Variants in PTPRN2 observed in about 807,000 individuals in gnomAD.
The protein encoded by PTPRN2 is receptor-type tyrosine-protein phosphatase N2.
In PTPRN2, 74 loss-of-function variants were observed where a neutral mutation model predicts 118.8. The ratio of observed to expected loss-of-function variants is 0.62; its 90% CI spans 0.52 to 0.76. The LOEUF (loss-of-function observed/expected upper bound fraction) is 0.76. PTPRN2 is among the 30% of genes least tolerant of loss of function. The pLI is 0.00. For synonymous variants in PTPRN2, 641 were observed against 608.0 expected (o/e 1.05, Z -0.80); for missense variants, 1,481 against 1,394.4 (o/e 1.06, Z -0.99).
intron 2 of PTPRN2, among the ~76,000 whole-genome samples, chr7:158,430,326 A>C (rs1188168147): frequency 1.3e-5 from 2 of 152,200 alleles, no homozygotes; most frequent in Non-Finnish European, 2.9e-5. Flanking sequence ...GGTGAGGGAG[A>C]GCAGCCTGCT....
chr7:158,110,957 C>T, intron 9 of PTPRN2, 42 bp from the exon 10 acceptor site: 1 of 1,504,156 alleles, frequency 6.6e-7, no homozygotes, highest in Non-Finnish European at 9.0e-7. Context: ...ACCACAGAGC[C>T]AGCAGTCCTG....
Position 157,845,477 on chromosome 7 carries a change from C to A in PTPRN2, c.1788+53196G>T, listed in dbSNP as rs1808735377. Reference sequence around the variant, plus strand: ...ACCACACAGCCTAACTCACCATGTTCCCGACCACACCCTGGTGAACCACGC... The same window carrying A: ...ACCACACAGCCTAACTCACCATGTTACCGACCACACCCTGGTGAACCACGC... On this transcript the variant is annotated intron_variant, in intron 12 of 22. Transcript: ENST00000389418. This position sits in a 1 kb window ranked among gnomAD's most constrained non-coding sequence, Gnocchi z 4.5. Among the ~76,000 whole-genome samples the A allele has an allele frequency of 6.6e-6, 1 of 151,914 alleles. No homozygotes were observed. Among genetic ancestry groups the A allele is most frequent in the Admixed American group, 6.6e-5 (1 of 15,260 alleles).
intron 12 of PTPRN2, among the ~76,000 whole-genome samples, chr7:157,810,648 G>T (rs1001017797): frequency 7.2e-6 from 1 of 138,826 alleles, no homozygotes. Flanking sequence ...GGACGGGAAC[G>T]GCGGGACTGC....
intron 2 of PTPRN2, among the ~76,000 whole-genome samples, chr7:158,354,117 A>C (rs1808211418): frequency 6.6e-6 from 1 of 152,214 alleles, no homozygotes. Context: ...CACTTTCATC[A>C]GTGACCAGAG....
chr7:158,200,357 T>C (rs111713670), intron 4 of PTPRN2, among the ~76,000 whole-genome samples: 16,940 of 152,226 alleles, frequency 0.11, 1,224 homozygotes, highest in Non-Finnish European at 0.16. Flanking sequence ...CCACTAATGA[T>C]GGACGCCGAG....
Position 157,987,887 on chromosome 7 carries a change from C to G in PTPRN2, c.1724-89150G>C, listed in dbSNP as rs1333007183. On this transcript the variant is annotated intron_variant, in intron 11 of 22. Coordinates refer to ENST00000389418, the MANE Select transcript of PTPRN2 (RefSeq NM_002847.5). This position sits in a 1 kb window ranked among gnomAD's most constrained non-coding sequence, Gnocchi z 4.3. ...ACTGATGCCCCCAGCTCTCCCCACA[C>G]CTGCCATTCCCCACGTTAATGCAGC... is the stretch of plus-strand genomic sequence containing the variant. 6.6e-6 allele frequency among the ~76,000 whole-genome samples: 1 copy of G among 152,038 alleles called. No individual in the cohort carries two copies. Among genetic ancestry groups the G allele is most frequent in the Non-Finnish European group, 1.5e-5 (1 of 68,026 alleles).
Position 157,947,724 on chromosome 7 carries a change from A to G in PTPRN2, c.1724-48987T>C, listed in dbSNP as rs908308022. 4.6e-5 allele frequency among the ~76,000 whole-genome samples: 7 copies of G among 152,232 alleles called. No homozygotes were observed. In the East Asian group the frequency reaches 1.2e-3, roughly 25 times the overall value. The stretch of plus-strand genomic sequence containing the variant: ...TATCCAAGAAGCTCAACTAACTCCA[A>G]GTAGAATTGATTCAAAGAGATCCAT... On this transcript the variant is annotated intron_variant, in intron 11 of 22. Coordinates refer to ENST00000389418, the MANE Select transcript of PTPRN2 (RefSeq NM_002847.5).
intron 2 of PTPRN2, among the ~76,000 whole-genome samples, chr7:158,480,314 T>A (rs1294453205): frequency 1.3e-5 from 2 of 152,180 alleles, no homozygotes; most frequent in Admixed American, 6.5e-5. Context: ...TGGGGCACCA[T>A]GAACCGTGCC....
At chr7:158,298,806 G>A (rs903493791) in intron 3 of PTPRN2, among the ~76,000 whole-genome samples, 8 of 152,166 alleles carry the variant, frequency 5.3e-5, no homozygotes, top group African/African-American at 1.9e-4. Context: ...CTGAGCCCCT[G>A]GGTCCAAGGA....
At chr7:158,543,349 G>A (rs745810536) in intron 1 of PTPRN2, among the ~76,000 whole-genome samples, 2 of 152,212 alleles carry the variant, frequency 1.3e-5, no homozygotes, top group African/African-American at 4.8e-5. Context: ...CACCCACAAC[G>A]GCCGCCCCGC....
intron 1 of PTPRN2, among the ~76,000 whole-genome samples, chr7:158,568,096 T>G (rs1827768099): frequency 6.6e-6 from 1 of 152,012 alleles, no homozygotes; most frequent in Non-Finnish European, 1.5e-5. Context: ...CTACTAAAAA[T>G]ATAAAAATTA....
chr7:158,335,322 C>G (rs1196984574), intron 2 of PTPRN2, among the ~76,000 whole-genome samples: 1 of 16,984 alleles, frequency 5.9e-5, no homozygotes, highest in Non-Finnish European at 1.8e-4. Context: ...ACACTCACAC[C>G]CATACTCTCA....
chr7:157,982,003 G>A (rs1003982780), intron 11 of PTPRN2, among the ~76,000 whole-genome samples: 1 of 148,504 alleles, frequency 6.7e-6, no homozygotes, highest in Admixed American at 6.7e-5. Context: ...GAGTCATAGA[G>A]ACAAGGAGGG....
chr7:157,886,774 T>C (rs1318170327), intron 12 of PTPRN2, among the ~76,000 whole-genome samples: 1 of 152,188 alleles, frequency 6.6e-6, no homozygotes, highest in East Asian at 1.9e-4. Context: ...ACAGTGGGGC[T>C]GCCCCAGGGC....
chr7:157,796,663 G>T (rs1804885637), intron 12 of PTPRN2, among the ~76,000 whole-genome samples: 1 of 152,156 alleles, frequency 6.6e-6, no homozygotes, highest in Non-Finnish European at 1.5e-5. Context: ...AGCTCTGCAG[G>T]TTGCACAGGG....
At chr7:158,283,511 C>T (rs901499992) in intron 3 of PTPRN2, among the ~76,000 whole-genome samples, 9 of 152,050 alleles carry the variant, frequency 5.9e-5, no homozygotes, top group African/African-American at 9.7e-5. Context: ...CTGGCCACGT[C>T]GTGGAGTCTG....
At chr7:157,958,860 C>A (rs932324509) in intron 11 of PTPRN2, among the ~76,000 whole-genome samples, 1 of 152,112 alleles carries the variant, frequency 6.6e-6, no homozygotes, top group East Asian at 1.9e-4. Flanking sequence ...ATAATCTCTA[C>A]CAAAAATATT....
At chr7:158,543,673 T>C (rs1826125966) in intron 1 of PTPRN2, among the ~76,000 whole-genome samples, 1 of 152,276 alleles carries the variant, frequency 6.6e-6, no homozygotes, top group South Asian at 2.1e-4. Flanking sequence ...TGAGGCCTCG[T>C]TGAACATGTA....
At chr7:157,651,456 T>C (rs142011511) in intron 14 of PTPRN2, among the ~76,000 whole-genome samples, 1 of 152,326 alleles carries the variant, frequency 6.6e-6, no homozygotes, top group Admixed American at 6.5e-5. Context: ...TTAAGTCGAA[T>C]GGAGAAGTAT....
Sources: gnomAD v4.1 joint callset for allele counts (sites outside exome capture counted in the v4.1 genomes callset) on GRCh38, gnomAD v4.1.1 for gene constraint, Gnocchi (gnomAD v3.1) non-coding constraint, MANE v1.5 for transcripts, NCBI Gene and HGNC (gene_info 2026-07-23, HGNC 2026-07-21) for gene names.